THSD4: variants seen among roughly 807,000 people sequenced by gnomAD.
THSD4 encodes thrombospondin type-1 domain-containing protein 4.
In THSD4, 69 loss-of-function variants were observed where a neutral mutation model predicts 119.0. The ratio of observed to expected loss-of-function variants is 0.58; its 90% confidence interval spans 0.48 to 0.71. THSD4 has a LOEUF of 0.71. Ranked by LOEUF, THSD4 falls within the 30% of genes least tolerant of loss-of-function variation. The pLI, the probability that THSD4 is intolerant of heterozygous loss-of-function variation, is 0.00. For missense variants in THSD4, 1,393 were observed against 1,391.1 expected (o/e 1.00, Z -0.02); for synonymous variants, 524 against 540.4 (o/e 0.97, Z 0.42).
chr15:71,244,726 G>A (rs2044184618), intron 5 of THSD4, among the ~76,000 whole-genome samples: 1 of 152,198 alleles, frequency 6.6e-6, no homozygotes, highest in Non-Finnish European at 1.5e-5. Flanking sequence ...AAAGTGCTTT[G>A]TAAATCAAAA....
Position 71,165,097 on chromosome 15 carries a change from A to G in THSD4, c.99+10165A>G. The G allele has an allele frequency of 2.5e-6, 4 of 1,611,216 alleles. No individual in the cohort carries two copies. The East Asian group carries it at 8.9e-5, about 36-fold the overall frequency. On this transcript the variant is annotated intron_variant, in intron 3 of 17. Transcript: ENST00000261862. ...CTCCTTTGATTTTTGGGCGATACTC[A>G]GAGCAGAAGAGGAAGAAGGCCGAAG...
chr15:71,169,509 C>G (rs2043332325), intron 3 of THSD4, among the ~76,000 whole-genome samples: 2 of 152,018 alleles, frequency 1.3e-5, no homozygotes, highest in African/African-American at 4.8e-5. Flanking sequence ...TAAAGCTAAA[C>G]TGGAAATAAC....
intron 8 of THSD4, among the ~76,000 whole-genome samples, chr15:71,690,015 A>G (rs187138280): frequency 6.6e-6 from 1 of 152,342 alleles, no homozygotes; most frequent in Admixed American, 6.5e-5. Context: ...TGATGCATGA[A>G]ATAGAGTAAA....
At chr15:71,655,616 T>C (rs1008519799) in intron 7 of THSD4, among the ~76,000 whole-genome samples, 28 of 152,080 alleles carry the variant, frequency 1.8e-4, no homozygotes, top group Admixed American at 1.8e-3. Context: ...CCAACAGTCC[T>C]AAGGGGTAGC....
intron 6 of THSD4, among the ~76,000 whole-genome samples, chr15:71,273,111 T>C (rs1298614388): frequency 1.3e-5 from 2 of 152,184 alleles, no homozygotes; most frequent in Non-Finnish European, 2.9e-5. Flanking sequence ...CACTGCAGCG[T>C]TATTCACATG....
At chr15:71,755,551 GA>G in intron 14 of THSD4, among the ~76,000 whole-genome samples, 1 of 152,140 alleles carries the variant, frequency 6.6e-6, no homozygotes, top group Non-Finnish European at 1.5e-5. Flanking sequence ...TCTAGGATTA[GA>G]AAGTGCTAAT....
At chr15:71,387,463 T>C (rs1242928302) in intron 6 of THSD4, among the ~76,000 whole-genome samples, 1 of 152,190 alleles carries the variant, frequency 6.6e-6, no homozygotes, top group Non-Finnish European at 1.5e-5. Context: ...TTTTTCCTAA[T>C]ATGTATAAAC....
At chr15:71,586,984 A>G (rs2049683340) in intron 7 of THSD4, among the ~76,000 whole-genome samples, 1 of 152,230 alleles carries the variant, frequency 6.6e-6, no homozygotes, top group African/African-American at 2.4e-5. Context: ...GCACTTTTAT[A>G]GCTGTGATCT....
At chr15:71,548,623 C>T (rs6494944) in intron 7 of THSD4, among the ~76,000 whole-genome samples, 88,633 of 152,010 alleles carry the variant, frequency 0.58, 26,118 homozygotes, top group African/African-American at 0.64. Context: ...GCTCTGTAGA[C>T]ATTTTCTGGG....
At chr15:71,638,523 G>A (rs144677612) in intron 7 of THSD4, among the ~76,000 whole-genome samples, 10 of 152,268 alleles carry the variant, frequency 6.6e-5, no homozygotes, top group South Asian at 6.2e-4. Flanking sequence ...TCTATGAACA[G>A]TATGTCTTTT....
At chr15:71,470,130 T>TA (rs1274366547) in intron 7 of THSD4, among the ~76,000 whole-genome samples, 2 of 152,254 alleles carry the variant, frequency 1.3e-5, no homozygotes, top group Non-Finnish European at 2.9e-5. Context: ...TTGTAGTTTA[T>TA]AAAGTAGTTT....
chr15:71,207,334 C>T (rs1596269124), intron 3 of THSD4, among the ~76,000 whole-genome samples: 1 of 152,220 alleles, frequency 6.6e-6, no homozygotes, highest in East Asian at 1.9e-4. Context: ...TGGTCAATTA[C>T]TGCCGCTAAA....
chr15:71,513,173 C>A (rs2048307885), intron 7 of THSD4, among the ~76,000 whole-genome samples: 1 of 152,228 alleles, frequency 6.6e-6, no homozygotes, highest in African/African-American at 2.4e-5. Flanking sequence ...GAGCCGAGAG[C>A]TTCCTGTCAT....
At chr15:71,666,934 G>T (rs1370879540) in intron 8 of THSD4, among the ~76,000 whole-genome samples, 1 of 152,172 alleles carries the variant, frequency 6.6e-6, no homozygotes, top group Non-Finnish European at 1.5e-5. Flanking sequence ...ATGTAGAGCT[G>T]GGGGAAGAGG....
At position 71,780,813 on chromosome 15, in the gene THSD4, A is replaced by G. The variant is rs1032471246; in HGVS notation, c.*3439A>G. 1 of 456,122 alleles carries G rather than the reference A, an allele frequency of 2.2e-6. No individual in the cohort carries two copies. The highest frequency in any genetic ancestry group is 4.4e-6 in the Non-Finnish European group (1 of 226,768). The allele number at this position is 456,122 out of a possible 1,614,324, so 28.3% of individuals were successfully genotyped here. A position where few individuals can be genotyped will look rare whatever the true frequency, so the allele number is the denominator to read the frequency against. The stretch of plus-strand genomic sequence containing the variant: ...TTATTCTCAAAGTATTTAGCATTCA[A>G]CACTCTTTTTGCTTTAAAAAGAATG... On this transcript the variant is annotated 3_prime_UTR_variant, in exon 18 of 18. Coordinates refer to ENST00000261862, the MANE Select transcript of THSD4 (RefSeq NM_024817.3).
At chr15:71,754,134 T>TA (rs2053497449) in intron 14 of THSD4, among the ~76,000 whole-genome samples, 1 of 144,694 alleles carries the variant, frequency 6.9e-6, no homozygotes, top group South Asian at 2.2e-4. Flanking sequence ...CAGGCTAGAG[T>TA]ACAGTGGCAT....
Position 71,561,135 on chromosome 15 carries a change from C to T in THSD4, c.1153-99395C>T, listed in dbSNP as rs141732365. The stretch of plus-strand genomic sequence containing the variant: ...GACTACAGGCGCCTGCCACCACACC[C>T]GGCTCATTTTTTGCATTTTTAGTAG... On this transcript the variant is annotated intron_variant, in intron 7 of 17. Coordinates refer to ENST00000261862, the MANE Select transcript of THSD4 (RefSeq NM_024817.3). 2.0e-3 allele frequency among the ~76,000 whole-genome samples: 301 copies of T among 152,106 alleles called. 1 individual carries two copies. Among genetic ancestry groups the T allele is most frequent in the East Asian group, 0.01 (54 of 5,152 alleles).
At chr15:71,428,420 C>T (rs987194108) in intron 7 of THSD4, among the ~76,000 whole-genome samples, 16 of 152,188 alleles carry the variant, frequency 1.1e-4, no homozygotes, top group African/African-American at 2.9e-4. Flanking sequence ...GTTATATTGA[C>T]ATAGGCTCAG....
chr15:71,675,878 C>T (rs11636006), intron 8 of THSD4, among the ~76,000 whole-genome samples: 26,591 of 152,082 alleles, frequency 0.17, 2,632 homozygotes, highest in East Asian at 0.37. Flanking sequence ...TTTGTGTCTT[C>T]TCACTTCCCA....
Sources: gnomAD v4.1 joint callset for allele counts (sites outside exome capture counted in the v4.1 genomes callset) on GRCh38, gnomAD v4.1.1 for gene constraint, MANE v1.5 for transcripts, NCBI Gene and HGNC (gene_info 2026-07-23, HGNC 2026-07-21) for gene names.